ZBTB20: variants seen among roughly 807,000 people sequenced by gnomAD.
ZBTB20 encodes the protein zinc finger and BTB domain-containing protein 20.
Under a neutral mutation model 56.9 loss-of-function variants are expected in ZBTB20, and 9 were observed. The observed-to-expected ratio is 0.16, with a 90% CI of 0.10 to 0.28. ZBTB20 has a LOEUF of 0.28. Ranked by LOEUF, ZBTB20 falls within the 10% of genes least tolerant of loss-of-function variation. The pLI is 1.00. For missense variants in ZBTB20, 655 were observed against 1,003.0 expected (o/e 0.65, Z 4.69); for synonymous variants, 417 against 420.7 (o/e 0.99, Z 0.11).
intron 2 of ZBTB20, among the ~76,000 whole-genome samples, chr3:115,020,760 T>C (rs1357081419): frequency 6.6e-6 from 1 of 151,044 alleles, no homozygotes; most frequent in African/African-American, 2.4e-5. Context: ...CACACACATA[T>C]AATACCTATT....
chr3:114,678,510 A>C (rs1381874777), intron 6 of ZBTB20, among the ~76,000 whole-genome samples: 1 of 152,146 alleles, frequency 6.6e-6, no homozygotes, highest in Non-Finnish European at 1.5e-5. Flanking sequence ...GTGCTTTTGA[A>C]CAATATATAG....
chr3:115,021,437 A>G (rs2080200469), intron 2 of ZBTB20, among the ~76,000 whole-genome samples: 1 of 151,048 alleles, frequency 6.6e-6, no homozygotes, highest in African/African-American at 2.4e-5. Context: ...ATATACACGT[A>G]AAGTTAAGAA....
At chr3:114,674,595 T>C (rs1318361837) in intron 6 of ZBTB20, among the ~76,000 whole-genome samples, 1 of 152,090 alleles carries the variant, frequency 6.6e-6, no homozygotes, top group African/African-American at 2.4e-5. Flanking sequence ...TACTAGAAAA[T>C]AAAGTCAATT....
intron 6 of ZBTB20, among the ~76,000 whole-genome samples, chr3:114,561,217 C>T (rs1478158462): frequency 6.6e-6 from 1 of 152,140 alleles, no homozygotes; most frequent in Non-Finnish European, 1.5e-5. Context: ...GTCTTAAGTG[C>T]CTGAAAGTCA....
chr3:114,618,600 G>A lies in ZBTB20; in HGVS notation c.-295+74928C>T, dbSNP rs1000613700. 2.0e-5 allele frequency among the ~76,000 whole-genome samples: 3 copies of A among 152,246 alleles called. 1 individual carries two copies. The highest frequency in any genetic ancestry group is 4.4e-5 in the Non-Finnish European group (3 of 68,012). ...CTAAAAAATACATGGGTGAATGAAT[G>A]AATTAATGTTAAATCCATCTTTAAT... On this transcript the variant is annotated intron_variant, in intron 6 of 11. Transcript: ENST00000675478.
intron 6 of ZBTB20, among the ~76,000 whole-genome samples, chr3:114,544,105 G>A (rs748863667): frequency 6.6e-6 from 1 of 152,152 alleles, no homozygotes; most frequent in Non-Finnish European, 1.5e-5. Context: ...GACCCTTAAG[G>A]AAAGACTAGC....
intron 4 of ZBTB20, among the ~76,000 whole-genome samples, chr3:114,843,404 C>A (rs946032936): frequency 6.6e-6 from 1 of 152,066 alleles, no homozygotes; most frequent in Non-Finnish European, 1.5e-5. Context: ...CTCCATTATA[C>A]AGTAGAGAAA....
At chr3:115,131,283 T>C (rs2084497803) in intron 1 of ZBTB20, among the ~76,000 whole-genome samples, 4 of 152,182 alleles carry the variant, frequency 2.6e-5, no homozygotes, top group African/African-American at 9.7e-5. Context: ...TACTATAAGG[T>C]AGATATATAC....
chr3:114,665,804 G>A (rs1162659179), intron 6 of ZBTB20, among the ~76,000 whole-genome samples: 1 of 152,036 alleles, frequency 6.6e-6, no homozygotes, highest in Non-Finnish European at 1.5e-5. Context: ...GTTAATAAAT[G>A]TTACTTAACA....
At chr3:115,114,242 TA>T (rs1243194116) in intron 1 of ZBTB20, among the ~76,000 whole-genome samples, 3 of 152,152 alleles carry the variant, frequency 2.0e-5, no homozygotes, top group Non-Finnish European at 4.4e-5. Flanking sequence ...TTACACTTTG[TA>T]AAACAGTCAT....
rs200567625 is a variant in ZBTB20, at chr3:114,351,151, C to T, written c.927G>A (p.Thr309=). The T allele has an allele frequency of 5.0e-6, 8 of 1,603,826 alleles. No individual in the cohort carries two copies. The East Asian group carries it at 1.1e-4, about 22-fold the overall frequency. The part of the protein sequence containing the change: ...ERYLSTTPET[T]HCRKQPRPVR... ...CAGGCCGGGGCTGCTTGCGGCAGTG[C>T]GTGGTCTCGGGGGTGGTGGACAGGT... Residue 309 remains threonine (T), a synonymous_variant, in exon 11 of 12, where the codon ACG becomes ACA. Transcript: ENST00000675478.
intron 6 of ZBTB20, among the ~76,000 whole-genome samples, chr3:114,518,057 G>A (rs1045493154): frequency 6.6e-6 from 1 of 152,138 alleles, no homozygotes; most frequent in African/African-American, 2.4e-5. Flanking sequence ...CATAAAGGGG[G>A]TTAGGAGATC....
chr3:114,685,617 C>T (rs1361732521), intron 6 of ZBTB20, among the ~76,000 whole-genome samples: 1 of 152,174 alleles, frequency 6.6e-6, no homozygotes, highest in Non-Finnish European at 1.5e-5. Context: ...GGAACGCTGT[C>T]TTGCATTCAT....
At chr3:114,843,402 T>C (rs1392171845) in intron 4 of ZBTB20, among the ~76,000 whole-genome samples, 5 of 152,222 alleles carry the variant, frequency 3.3e-5, no homozygotes, top group Non-Finnish European at 7.3e-5. Flanking sequence ...ATCTCCATTA[T>C]ACAGTAGAGA....
chr3:114,680,666 T>C (rs2061917903), intron 6 of ZBTB20, among the ~76,000 whole-genome samples: 1 of 152,236 alleles, frequency 6.6e-6, no homozygotes, highest in Non-Finnish European at 1.5e-5. Flanking sequence ...AGCTGCTTTA[T>C]GAAAATGTTT....
intron 6 of ZBTB20, among the ~76,000 whole-genome samples, chr3:114,567,180 T>A (rs2052872493): frequency 6.6e-6 from 1 of 152,212 alleles, no homozygotes; most frequent in African/African-American, 2.4e-5. Flanking sequence ...TTTCTCTCTA[T>A]TTGATGCTTG....
At chr3:114,653,926 T>C (rs2060260505) in intron 6 of ZBTB20, among the ~76,000 whole-genome samples, 1 of 151,674 alleles carries the variant, frequency 6.6e-6, no homozygotes. Context: ...AATATTCCCT[T>C]GTTATCCTTT....
intron 1 of ZBTB20, among the ~76,000 whole-genome samples, chr3:115,116,923 T>C (rs2084036861): frequency 6.6e-6 from 1 of 152,100 alleles, no homozygotes; most frequent in Non-Finnish European, 1.5e-5. Flanking sequence ...TGCTCAACAA[T>C]TAAATAAATA....
chr3:114,538,274 C>T (rs560457042), intron 6 of ZBTB20, among the ~76,000 whole-genome samples: 16 of 152,168 alleles, frequency 1.1e-4, no homozygotes, highest in East Asian at 9.7e-4. Context: ...ATGAGACTCC[C>T]TTTTCGACTA....
Sources: gnomAD v4.1 joint callset for allele counts (sites outside exome capture counted in the v4.1 genomes callset) on GRCh38, gnomAD v4.1.1 for gene constraint, MANE v1.5 for transcripts, NCBI Gene and HGNC (gene_info 2026-07-23, HGNC 2026-07-21) for gene names.